SLAIN1: variants seen among roughly 807,000 people sequenced by gnomAD.
SLAIN1 encodes SLAIN family member 1, also known as SLAIN motif-containing protein 1.
Under a neutral mutation model 55.4 loss-of-function variants are expected in SLAIN1, and 17 were observed. The ratio of observed to expected loss-of-function variants is 0.31; its 90% CI spans 0.21 to 0.46. The LOEUF is 0.46. Ranked by LOEUF, SLAIN1 falls within the 20% of genes least tolerant of loss-of-function variation. The pLI is 1.00. For synonymous variants in SLAIN1, 348 were observed against 337.4 expected (o/e 1.03, Z -0.35); for missense variants, 682 against 785.1 (o/e 0.87, Z 1.57).
At chr13:77,723,447 A>G (rs1566228962) in intron 2 of SLAIN1, among the ~76,000 whole-genome samples, 1 of 152,176 alleles carries the variant, frequency 6.6e-6, no homozygotes, top group Non-Finnish European at 1.5e-5. Context: ...GAAAAAGGAT[A>G]TGTGGCAGGT....
At chr13:77,705,706 T>G (rs1430893210) in intron 1 of SLAIN1, among the ~76,000 whole-genome samples, 3 of 151,492 alleles carry the variant, frequency 2.0e-5, no homozygotes, top group African/African-American at 4.9e-5. Flanking sequence ...ACTCAAGGAG[T>G]TTTTAGCCAC....
Position 77,736,530 on chromosome 13 carries a change from CT to C in SLAIN1, c.767-7752del, listed in dbSNP as rs1005860975. 3.3e-5 allele frequency among the ~76,000 whole-genome samples: 5 copies of C among 152,040 alleles called. 1 individual carries two copies. The highest frequency in any genetic ancestry group is 9.7e-5 in the African/African-American group (4 of 41,434). On this transcript the variant is annotated intron_variant, in intron 2 of 6. Transcript: ENST00000418532. ...TTATACTCCTCAAGCTACAGCCCCCCTCTTTTTTTAAACAACAACAACAACA... is the reference window on the plus strand; with the variant it reads ...TTATACTCCTCAAGCTACAGCCCCCCCTTTTTTTAAACAACAACAACAACA...
At chr13:77,734,156 G>A (rs138603446) in intron 2 of SLAIN1, among the ~76,000 whole-genome samples, 48 of 152,194 alleles carry the variant, frequency 3.2e-4, no homozygotes, top group Admixed American at 1.8e-3. Flanking sequence ...TACCTGAGAG[G>A]ATGGTTTATG....
chr13:77,746,803 T>C lies in SLAIN1; in HGVS notation c.1206T>C (p.Tyr402=). The change falls in exon 4 of 7, where the codon TAT becomes TAC. Residue 402 remains tyrosine (Y), a synonymous_variant. Transcript: ENST00000418532. ...CAAATAATTACCAGCAGCAACAGTA[T>C]TATTCACCTCAAGCCCAAACTCCAG... ...FPSNNYQQQQ[Y]YSPQAQTPDQ... 2 of 1,613,800 alleles carry C rather than the reference T, an allele frequency of 1.2e-6. No individual in the cohort carries two copies. Among genetic ancestry groups the C allele is most frequent in the Admixed American group, 3.3e-5 (2 of 59,948 alleles).
At chr13:77,712,279 G>T in intron 1 of SLAIN1, among the ~76,000 whole-genome samples, 1 of 152,150 alleles carries the variant, frequency 6.6e-6, no homozygotes, top group Non-Finnish European at 1.5e-5. Context: ...AAGTCAAATT[G>T]TCTCTGTTTG....
intron 1 of SLAIN1, among the ~76,000 whole-genome samples, chr13:77,705,259 C>T (rs1372142824): frequency 1.3e-5 from 2 of 151,664 alleles, no homozygotes; most frequent in African/African-American, 4.8e-5. Context: ...GTTCTCCCAG[C>T]ATAGAATGTG....
At chr13:77,729,106 G>A (rs1217892865) in intron 2 of SLAIN1, among the ~76,000 whole-genome samples, 1 of 152,012 alleles carries the variant, frequency 6.6e-6, no homozygotes, top group Non-Finnish European at 1.5e-5. Context: ...TAGCCCCAGT[G>A]CATTTACTTC....
intron 1 of SLAIN1, among the ~76,000 whole-genome samples, chr13:77,709,139 T>A: frequency 6.6e-6 from 1 of 151,150 alleles, no homozygotes; most frequent in African/African-American, 2.4e-5. Flanking sequence ...AATAGCCAAA[T>A]CAATCAAGCA....
intron 4 of SLAIN1, among the ~76,000 whole-genome samples, chr13:77,748,592 G>A (rs1874002667): frequency 6.6e-6 from 1 of 152,048 alleles, no homozygotes; most frequent in Non-Finnish European, 1.5e-5. Flanking sequence ...TTAGGTTTCT[G>A]TGAATCCTGT....
At chr13:77,699,016 G>A (rs550883909) in intron 1 of SLAIN1, 23 of 1,535,230 alleles carry the variant, frequency 1.5e-5, no homozygotes, top group Middle Eastern at 1.8e-4. Context: ...TCCTCGGGTG[G>A]CATCGGAAGC....
At chr13:77,718,396 AGTTG>A (rs2091229012) in intron 1 of SLAIN1, among the ~76,000 whole-genome samples, 1 of 152,160 alleles carries the variant, frequency 6.6e-6, no homozygotes, top group African/African-American at 2.4e-5. Context: ...AGGGCTGAGT[AGTTG>A]TGACAGAGAT....
intron 2 of SLAIN1, chr13:77,743,472 A>C (rs1396862699): frequency 3.3e-5 from 5 of 149,460 alleles, no homozygotes; most frequent in African/African-American, 1.3e-4. Context: ...GGTAGTTTTT[A>C]TTATTCAAGA....
chr13:77,705,422 A>C (rs1346145607), intron 1 of SLAIN1, among the ~76,000 whole-genome samples: 6 of 151,976 alleles, frequency 3.9e-5, no homozygotes. Context: ...AAGAATTCTG[A>C]AAATTTAGAT....
At chr13:77,736,268 A>G (rs1438631636) in intron 2 of SLAIN1, among the ~76,000 whole-genome samples, 1 of 151,994 alleles carries the variant, frequency 6.6e-6, no homozygotes, top group Non-Finnish European at 1.5e-5. Context: ...TACAGATTAA[A>G]AAGCCTTAAA....
chr13:77,737,599 C>T (rs988292443), intron 2 of SLAIN1, among the ~76,000 whole-genome samples: 2 of 152,056 alleles, frequency 1.3e-5, no homozygotes, highest in Non-Finnish European at 2.9e-5. Flanking sequence ...TTGTACACTG[C>T]TCTTTCATGT....
intron 2 of SLAIN1, among the ~76,000 whole-genome samples, chr13:77,736,532 C>T (rs2154410154): frequency 6.6e-6 from 1 of 152,138 alleles, no homozygotes; most frequent in East Asian, 1.9e-4. Context: ...CAGCCCCCCT[C>T]TTTTTTTAAA....
At chr13:77,707,707 ATG>A (rs895333943) in intron 1 of SLAIN1, among the ~76,000 whole-genome samples, 1 of 152,124 alleles carries the variant, frequency 6.6e-6, no homozygotes. Flanking sequence ...CTCCTAGGAG[ATG>A]TAAGCAAGGC....
chr13:77,704,367 GAGGT>G (rs2091071848), intron 1 of SLAIN1, among the ~76,000 whole-genome samples: 1 of 41,144 alleles, frequency 2.4e-5, no homozygotes, highest in Non-Finnish European at 4.1e-5. Context: ...TGTATATACA[GAGGT>G]TTTATATGTA....
chr13:77,754,798 C>T (rs1874483373), intron 5 of SLAIN1, among the ~76,000 whole-genome samples: 1 of 152,190 alleles, frequency 6.6e-6, no homozygotes, highest in Non-Finnish European at 1.5e-5. Context: ...AGATTGTAAG[C>T]TCCCTCTGGG....
Sources: gnomAD v4.1 joint callset for allele counts (sites outside exome capture counted in the v4.1 genomes callset) on GRCh38, gnomAD v4.1.1 for gene constraint, MANE v1.5 for transcripts, NCBI Gene and HGNC (gene_info 2026-07-23, HGNC 2026-07-21) for gene names.